The following DMD variants were observed in gnomAD, a reference collection of about 807,000 sequenced individuals.
DMD encodes mutant dystrophin.
Under a neutral mutation model 330.1 loss-of-function variants are expected in DMD, and 63 were observed. That is an observed-to-expected ratio of 0.19 (90% CI 0.16 to 0.24). The LOEUF is 0.24. Among genes scored for constraint, DMD ranks in the 10% least tolerant of loss-of-function variants. The pLI, the probability that DMD is intolerant of heterozygous loss-of-function variation, is 1.00. For missense variants in DMD, 3,344 were observed against 2,684.1 expected (o/e 1.25, Z -5.43); for synonymous variants, 1,223 against 959.8 (o/e 1.27, Z -5.07).
chrX:31,747,767 G>A (rs1239124109), intron 51 of DMD, among the ~76,000 whole-genome samples: 1 of 112,218 alleles, frequency 8.9e-6, no homozygotes, highest in Admixed American at 9.5e-5. Flanking sequence ...AGTGGTTTCT[G>A]TAATGTTGTG....
intron 13 of DMD, among the ~76,000 whole-genome samples, chrX:32,593,593 C>T (rs1490817420): frequency 4.5e-5 from 5 of 110,533 alleles, no homozygotes; most frequent in Non-Finnish European, 1.9e-5. Flanking sequence ...AATTACCCAT[C>T]GCAACCAGGG....
intron 1 of DMD, among the ~76,000 whole-genome samples, chrX:33,045,514 A>G (rs1243767044): frequency 1.8e-5 from 2 of 111,319 alleles, no homozygotes; most frequent in Non-Finnish European, 3.8e-5. Context: ...TAAGTGAACC[A>G]TGATTCTGGC....
intron 42 of DMD, among the ~76,000 whole-genome samples, chrX:32,301,002 T>C (rs2097521356): frequency 9.0e-6 from 1 of 110,640 alleles, no homozygotes; most frequent in African/African-American, 3.3e-5. Context: ...GTAGCTACCA[T>C]ACATGATAAA....
At position 31,784,600 on chromosome X, in the gene DMD, C is replaced by T. The variant is rs770043389; in HGVS notation, c.7310-10408G>A. 9.8e-5 allele frequency among the ~76,000 whole-genome samples: 11 copies of T among 111,719 alleles called. No homozygotes were observed. The East Asian group carries it at 2.0e-3, about 20-fold the overall frequency. On this transcript the variant is annotated intron_variant, in intron 50 of 78. Coordinates refer to ENST00000357033, the MANE Select transcript of DMD (RefSeq NM_004006.3). ...TTTGGACTTTACAATGGTGTGAAAG[C>T]GATATGCATTCATTAAGAAACCATA...
chrX:32,503,688 C>T (rs144229856), intron 18 of DMD, among the ~76,000 whole-genome samples: 1,584 of 109,985 alleles, frequency 0.014, 11 homozygotes, highest in African/African-American at 0.02. Context: ...CCCGAGTAGC[C>T]GGGATTACAG....
chrX:31,486,807 T>C (rs1248541304), intron 57 of DMD, among the ~76,000 whole-genome samples: 1 of 112,458 alleles, frequency 8.9e-6, no homozygotes, highest in Non-Finnish European at 1.9e-5. Context: ...TTATTTTTTA[T>C]GTCTCCTGTA....
chrX:32,784,632 T>G (rs1269417913), intron 7 of DMD, among the ~76,000 whole-genome samples: 1 of 111,762 alleles, frequency 8.9e-6, no homozygotes, highest in Non-Finnish European at 1.9e-5. Flanking sequence ...CAAAATCATC[T>G]TATCGATTTA....
At chrX:31,203,045 T>C (rs765425330) in intron 67 of DMD, among the ~76,000 whole-genome samples, 1 of 108,927 alleles carries the variant, frequency 9.2e-6, no homozygotes, top group Non-Finnish European at 1.9e-5. Flanking sequence ...ACTTTGGGAG[T>C]TCGAGGCAGG....
In DMD at chrX:31,820,122, C is replaced by T. The variant is rs1398748784; in HGVS notation, c.7201-39G>A. On this transcript the variant is annotated intron_variant, in intron 49 of 78. Coordinates refer to ENST00000357033, the MANE Select transcript of DMD (RefSeq NM_004006.3). ...GCATACACATTACTTATTCGATTAA[C>T]ACTTTGAAGATAATTCATGAACATC... The T allele has an allele frequency of 2.9e-6, 3 of 1,048,390 alleles. No individual in the cohort carries two copies. In the South Asian group the frequency reaches 5.6e-5, roughly 20 times the overall value. The allele number at this position is 1,048,390 out of a possible 1,213,427, so 86.4% of individuals were successfully genotyped here.
intron 7 of DMD, among the ~76,000 whole-genome samples, chrX:32,714,405 T>C (rs1013325887): frequency 2.7e-5 from 3 of 111,767 alleles, no homozygotes; most frequent in Admixed American, 9.6e-5. Context: ...TTACCACTTA[T>C]AGGAAAATAC....
chrX:31,913,529 C>T (rs2094570857), intron 47 of DMD, among the ~76,000 whole-genome samples: 1 of 111,049 alleles, frequency 9.0e-6, no homozygotes, highest in Non-Finnish European at 1.9e-5. Flanking sequence ...CAAAGAATGA[C>T]CTTATTACAT....
intron 19 of DMD, among the ~76,000 whole-genome samples, chrX:32,497,476 C>G (rs924618601): frequency 8.9e-6 from 1 of 111,783 alleles, no homozygotes; most frequent in South Asian, 3.7e-4. Flanking sequence ...TTTAACTAAC[C>G]CTATTACATA....
At chrX:31,333,910 GA>G (rs1413258569) in intron 61 of DMD, among the ~76,000 whole-genome samples, 1 of 110,651 alleles carries the variant, frequency 9.0e-6, no homozygotes, top group Non-Finnish European at 1.9e-5. Flanking sequence ...GACTACACAC[GA>G]AACTGGAAAG....
intron 60 of DMD, among the ~76,000 whole-genome samples, chrX:31,390,796 G>T (rs760300155): frequency 1.8e-5 from 2 of 111,586 alleles, no homozygotes; most frequent in African/African-American, 6.5e-5. Context: ...TATACAGCAG[G>T]TCCATCAGAT....
chrX:32,466,924 A>C (rs1381139792), intron 23 of DMD, among the ~76,000 whole-genome samples: 1 of 111,567 alleles, frequency 9.0e-6, no homozygotes, highest in Non-Finnish European at 1.9e-5. Context: ...GCTTGAAGTT[A>C]TTAAATTTCC....
At chrX:32,991,566 AT>A (rs2092977061) in intron 2 of DMD, among the ~76,000 whole-genome samples, 1 of 112,192 alleles carries the variant, frequency 8.9e-6, no homozygotes, top group Non-Finnish European at 1.9e-5. Context: ...ATTCAAAATA[AT>A]TTTTTGCCAT....
intron 2 of DMD, among the ~76,000 whole-genome samples, chrX:32,961,309 A>C (rs1382854320): frequency 1.8e-5 from 2 of 110,937 alleles, no homozygotes; most frequent in Non-Finnish European, 3.8e-5. Flanking sequence ...TCCACTTAGA[A>C]GTTTTTTATG....
chrX:32,827,265 G>T (rs1178968136), intron 4 of DMD, among the ~76,000 whole-genome samples: 1 of 110,941 alleles, frequency 9.0e-6, no homozygotes, highest in African/African-American at 3.3e-5. Context: ...CATGTACTCA[G>T]TATTGATTAA....
chrX:32,761,987 A>T (rs1389789264), intron 7 of DMD, among the ~76,000 whole-genome samples: 2 of 108,500 alleles, frequency 1.8e-5, no homozygotes, highest in Non-Finnish European at 3.8e-5. Context: ...AGTCTCTACT[A>T]AAAACACAAA....
Sources: allele counts gnomAD v4.1 joint callset (sites outside exome capture counted in the v4.1 genomes callset), GRCh38; gene constraint gnomAD v4.1.1; transcripts MANE v1.5; gene names NCBI Gene and HGNC (gene_info 2026-07-23, HGNC 2026-07-21).